The following CYP7B1 variants were observed in gnomAD, a reference collection of about 807,000 sequenced individuals.
CYP7B1 encodes cytochrome P450 7B1.
Under a neutral mutation model 42.7 loss-of-function variants are expected in CYP7B1, and 29 were observed. The observed-to-expected ratio is 0.68, with a 90% CI of 0.51 to 0.93. The LOEUF is 0.93. Ranked by LOEUF, CYP7B1 falls within the 40% of genes least tolerant of loss-of-function variation. The pLI, the probability that CYP7B1 is intolerant of heterozygous loss-of-function variation, is 0.00. For synonymous variants in CYP7B1, 235 were observed against 218.2 expected, an observed-to-expected ratio of 1.08 and a Z score of -0.68; for missense variants, 655 against 600.5, an observed-to-expected ratio of 1.09 and a Z score of -0.95.
chr8:64,643,100 CATATATATACATATATATACAT>C (rs1190263167), intron 1 of CYP7B1, among the ~76,000 whole-genome samples: 7 of 140,658 alleles, frequency 5.0e-5, no homozygotes, highest in Non-Finnish European at 1.1e-4. Context: ...TATATATACA[CATATATATACATATATATACAT>C]ATATACATAT....
intron 1 of CYP7B1, among the ~76,000 whole-genome samples, chr8:64,731,157 A>C (rs1807403273): frequency 6.6e-6 from 1 of 152,192 alleles, no homozygotes; most frequent in Admixed American, 6.5e-5. Flanking sequence ...AGAATGGAGT[A>C]TAGTAAACTG....
chr8:64,734,424 A>G (rs1334353065), intron 1 of CYP7B1: 1 of 152,230 alleles, frequency 6.6e-6, no homozygotes, highest in Non-Finnish European at 1.5e-5. Context: ...AGGCACCTTG[A>G]ATATTGAGTC....
At chr8:64,645,183 C>T (rs1805931451) in intron 1 of CYP7B1, among the ~76,000 whole-genome samples, 1 of 150,462 alleles carries the variant, frequency 6.6e-6, no homozygotes, top group Non-Finnish European at 1.5e-5. Flanking sequence ...GGGTTGGTTC[C>T]AAGTCTTTGC....
chr8:64,727,901 A>G (rs1352619059), intron 1 of CYP7B1: 1 of 152,224 alleles, frequency 6.6e-6, no homozygotes, highest in East Asian at 1.9e-4. Context: ...AATATACCTG[A>G]ATATTCAACA....
chr8:64,791,004 C>T (rs954992788), intron 1 of CYP7B1, among the ~76,000 whole-genome samples: 7 of 152,122 alleles, frequency 4.6e-5, no homozygotes, highest in Non-Finnish European at 1.0e-4. Flanking sequence ...AAGCAGAGTT[C>T]AGGGTTAAGC....
intron 1 of CYP7B1, among the ~76,000 whole-genome samples, chr8:64,757,687 G>C (rs150424801): frequency 6.6e-6 from 1 of 152,334 alleles, no homozygotes; most frequent in Non-Finnish European, 1.5e-5. Flanking sequence ...CAACTTGGCA[G>C]TACCTCACCT....
At chr8:64,680,452 C>A (rs562265455) in intron 1 of CYP7B1, among the ~76,000 whole-genome samples, 1 of 152,230 alleles carries the variant, frequency 6.6e-6, no homozygotes, top group East Asian at 1.9e-4. Flanking sequence ...GGACAGCAGT[C>A]CCAAATTTCT....
At chr8:64,702,842 G>T (rs1293219664) in intron 1 of CYP7B1, among the ~76,000 whole-genome samples, 3 of 151,976 alleles carry the variant, frequency 2.0e-5, no homozygotes, top group Non-Finnish European at 4.4e-5. Flanking sequence ...CAGGACCCAG[G>T]TTTATGTGGT....
intron 5 of CYP7B1, among the ~76,000 whole-genome samples, chr8:64,600,889 A>C (rs1331947986): frequency 6.6e-6 from 1 of 152,196 alleles, no homozygotes; most frequent in Non-Finnish European, 1.5e-5. Context: ...CAGCTATGTG[A>C]CAGGGCTGAG....
intron 4 of CYP7B1, among the ~76,000 whole-genome samples, chr8:64,610,414 G>A (rs756853531): frequency 1.3e-5 from 2 of 152,128 alleles, no homozygotes; most frequent in East Asian, 3.9e-4. Context: ...CATTAGAAGA[G>A]AGGATGTTGC....
chr8:64,602,882 T>C (rs1395020643), intron 5 of CYP7B1, among the ~76,000 whole-genome samples: 1 of 152,236 alleles, frequency 6.6e-6, no homozygotes, highest in Non-Finnish European at 1.5e-5. Context: ...AAAATGTTTA[T>C]ACAATGAATG....
chr8:64,704,054 T>TA (rs1465091494), intron 1 of CYP7B1: 1 of 152,016 alleles, frequency 6.6e-6, no homozygotes, highest in Non-Finnish European at 1.5e-5. Context: ...CAGAAAGCAA[T>TA]AAAAAACTAA....
rs972201695 is a variant in CYP7B1 at position 64,733,186 on chromosome 8, T to C, written c.122+65280A>G. ...ATATATAGAGAACTCTGATGAGTTT[T>C]TTCAGGGGCACAGTAACCATGTGCT... On this transcript the variant is annotated intron_variant, in intron 1 of 5. Coordinates refer to ENST00000310193, the MANE Select transcript of CYP7B1 (RefSeq NM_004820.5). Among the ~76,000 whole-genome samples, 8 of 152,188 alleles carry C rather than the reference T, an allele frequency of 5.3e-5. No homozygotes were observed. The East Asian group carries it at 1.5e-3, about 29-fold the overall frequency.
In CYP7B1 at chr8:64,591,411, T is replaced by TA. The variant is rs1250723474; in HGVS notation, c.*5230dup. 2.0e-5 allele frequency among the ~76,000 whole-genome samples: 3 copies of TA among 152,176 alleles called. No homozygotes were observed. Among genetic ancestry groups the TA allele is most frequent in the Non-Finnish European group, 4.4e-5 (3 of 68,012 alleles). The stretch of plus-strand genomic sequence containing the variant: ...TGCAAGATTGGCAAATTTAATAGGT[T>TA]AAAAAATGCACATTCTAAGGGCATG... On this transcript the variant is annotated 3_prime_UTR_variant, in exon 6 of 6. Coordinates refer to ENST00000310193, the MANE Select transcript of CYP7B1 (RefSeq NM_004820.5).
Position 64,612,845 on chromosome 8 carries a change from G to A in CYP7B1, c.1057+2181C>T, listed in dbSNP as rs181608888. On this transcript the variant is annotated intron_variant, in intron 4 of 5. Coordinates refer to ENST00000310193, the MANE Select transcript of CYP7B1 (RefSeq NM_004820.5). Reference sequence around the variant, plus strand: ...GGATAAGCACATACACACATACCACGTGGCACATGGTAAATATTTAACTGT... The same window carrying A: ...GGATAAGCACATACACACATACCACATGGCACATGGTAAATATTTAACTGT... Among the ~76,000 whole-genome samples the A allele has an allele frequency of 4.9e-4, 75 of 152,074 alleles. 1 individual carries two copies. The highest frequency in any genetic ancestry group is 3.1e-3 in the Admixed American group (47 of 15,262).
In CYP7B1 at chr8:64,798,460, G is replaced by C; in HGVS notation, c.122+6C>G. On this transcript the variant is annotated splice_donor_region_variant and intron_variant, in intron 1 of 5. Coordinates refer to ENST00000310193, the MANE Select transcript of CYP7B1 (RefSeq NM_004820.5). The stretch of plus-strand genomic sequence containing the variant: ...GCATGCGTGGCCTGGCGGCCGAGGC[G>C]CTTACCTGGTGCGCCGGACAAGCAA... 2 of 1,511,142 alleles carry C rather than the reference G, an allele frequency of 1.3e-6. No individual in the cohort carries two copies. Among genetic ancestry groups the C allele is most frequent in the Admixed American group, 2.1e-5 (1 of 47,784 alleles). The allele number at this position is 1,511,142 out of a possible 1,614,324, so 93.6% of individuals were successfully genotyped here.
intron 1 of CYP7B1, among the ~76,000 whole-genome samples, chr8:64,642,793 G>C (rs943276232): frequency 3.9e-5 from 6 of 152,050 alleles, no homozygotes; most frequent in Non-Finnish European, 2.9e-5. Flanking sequence ...GGCAGTGAAT[G>C]GGGTGCTTAC....
intron 1 of CYP7B1, among the ~76,000 whole-genome samples, chr8:64,788,301 A>G (rs1243384542): frequency 1.3e-5 from 2 of 152,242 alleles, no homozygotes; most frequent in Non-Finnish European, 2.9e-5. Context: ...AAGGGAGTAC[A>G]GCAGGTCCCC....
chr8:64,753,591 G>A (rs1218659968), intron 1 of CYP7B1, among the ~76,000 whole-genome samples: 1 of 152,174 alleles, frequency 6.6e-6, no homozygotes, highest in East Asian at 1.9e-4. Context: ...TCAGGGGCCA[G>A]GGCAGTGGTG....
Sources: gnomAD v4.1 joint callset for allele counts (sites outside exome capture counted in the v4.1 genomes callset) on GRCh38, gnomAD v4.1.1 for gene constraint, MANE v1.5 for transcripts, NCBI Gene and HGNC (gene_info 2026-07-23, HGNC 2026-07-21) for gene names.